KHDRBS3: variants seen among roughly 807,000 people sequenced by gnomAD.
The protein encoded by KHDRBS3 is KH domain-containing, RNA-binding, signal transduction-associated protein 3.
A neutral mutation model predicts 45.6 loss-of-function variants in KHDRBS3; 23 were observed. The ratio of observed to expected loss-of-function variants is 0.50; its 90% confidence interval spans 0.36 to 0.72. The LOEUF is 0.72. Among genes scored for constraint, KHDRBS3 ranks in the 30% least tolerant of loss-of-function variants. The probability of loss-of-function intolerance (pLI) is 0.00; values close to 1 mark genes in which losing one functional copy is unlikely to be tolerated. For missense variants in KHDRBS3, 352 were observed against 424.8 expected (o/e 0.83, Z 1.51); for synonymous variants, 162 against 156.5 (o/e 1.04, Z -0.26).
intron 1 of KHDRBS3, among the ~76,000 whole-genome samples, chr8:135,473,375 A>G (rs1822112228): frequency 1.3e-5 from 2 of 152,018 alleles, no homozygotes; most frequent in Non-Finnish European, 2.9e-5. Context: ...TTCGTTCTGA[A>G]TGTTTTTGGT....
At chr8:135,545,605 C>T (rs1312941011) in intron 3 of KHDRBS3, among the ~76,000 whole-genome samples, 1 of 152,166 alleles carries the variant, frequency 6.6e-6, no homozygotes, top group East Asian at 1.9e-4. Flanking sequence ...GCAAGCGGTG[C>T]ACCCTAGCTT....
chr8:135,551,246 G>A (rs979968455), intron 4 of KHDRBS3, among the ~76,000 whole-genome samples: 1 of 151,802 alleles, frequency 6.6e-6, no homozygotes, highest in African/African-American at 2.4e-5. Flanking sequence ...TTTTTTTAAT[G>A]TAATGTTGTT....
chr8:135,565,186 C>G (rs1169542157), intron 5 of KHDRBS3, among the ~76,000 whole-genome samples: 2 of 151,960 alleles, frequency 1.3e-5, no homozygotes, highest in Admixed American at 6.6e-5. Context: ...GCTTCTTGCC[C>G]GGTTTAAGAT....
chr8:135,577,693 G>A (rs1313214896), intron 5 of KHDRBS3, among the ~76,000 whole-genome samples: 1 of 152,138 alleles, frequency 6.6e-6, no homozygotes, highest in African/African-American at 2.4e-5. Flanking sequence ...GAATAAAGCT[G>A]CTGTAAACAT....
At chr8:135,458,831 C>T (rs1821266683) in intron 1 of KHDRBS3, 1 of 455,482 alleles carries the variant, frequency 2.2e-6, no homozygotes, top group Non-Finnish European at 4.4e-6. Flanking sequence ...ACAGAGATTT[C>T]TGGAGGCACG....
chr8:135,497,226 A>T (rs1217393034), intron 1 of KHDRBS3, among the ~76,000 whole-genome samples: 1 of 152,088 alleles, frequency 6.6e-6, no homozygotes, highest in African/African-American at 2.4e-5. Flanking sequence ...GAATATCCCC[A>T]CTTCATTCCT....
chr8:135,573,065 C>G (rs1365833565), intron 5 of KHDRBS3, among the ~76,000 whole-genome samples: 1 of 152,124 alleles, frequency 6.6e-6, no homozygotes, highest in Admixed American at 6.5e-5. Context: ...AGGTTTTTCT[C>G]ACTGTGACCC....
At position 135,475,915 on chromosome 8, in the gene KHDRBS3, C is replaced by T. The variant is rs556391503; in HGVS notation, c.88+17961C>T. ...TGCTTTGGACTTCATCAGTCTGATTCCCAAACCCATGCTGTTTCTACTAAA... is the reference window on the plus strand; with the variant it reads ...TGCTTTGGACTTCATCAGTCTGATTTCCAAACCCATGCTGTTTCTACTAAA... On this transcript the variant is annotated intron_variant, in intron 1 of 8. Coordinates refer to ENST00000355849, the MANE Select transcript of KHDRBS3 (RefSeq NM_006558.3). Among the ~76,000 whole-genome samples, 17 of 152,148 alleles carry T rather than the reference C, an allele frequency of 1.1e-4. No individual in the cohort carries two copies. In the South Asian group the frequency reaches 3.3e-3, roughly 30 times the overall value.
intron 5 of KHDRBS3, among the ~76,000 whole-genome samples, 164 bp from the exon 6 acceptor site, chr8:135,581,714 C>T (rs564790822): frequency 6.6e-6 from 1 of 152,190 alleles, no homozygotes; most frequent in South Asian, 2.1e-4. Context: ...TTCCTTTTGA[C>T]AGACACCTGT....
At chr8:135,517,232 T>C (rs995704403) in intron 1 of KHDRBS3, among the ~76,000 whole-genome samples, 1 of 152,238 alleles carries the variant, frequency 6.6e-6, no homozygotes, top group Admixed American at 6.5e-5. Context: ...GGAGATGGTA[T>C]TGGTACCTTA....
At chr8:135,541,526 A>G (rs977963228) in intron 2 of KHDRBS3, 6 of 152,226 alleles carry the variant, frequency 3.9e-5, no homozygotes, top group African/African-American at 1.2e-4. Flanking sequence ...TACCACTTAG[A>G]TTTTTTAAAG....
intron 5 of KHDRBS3, among the ~76,000 whole-genome samples, chr8:135,576,966 G>A (rs771714586): frequency 3.3e-5 from 5 of 151,900 alleles, no homozygotes; most frequent in South Asian, 2.1e-4. Flanking sequence ...CCACTCCACC[G>A]TGAGAAACTG....
In KHDRBS3 at chr8:135,647,190, T is replaced by A. The variant is rs988788174; in HGVS notation, c.*106T>A. 5.0e-6 allele frequency: 2 copies of A among 397,506 alleles called. No homozygotes were observed. The highest frequency in any genetic ancestry group is 9.1e-6 in the Non-Finnish European group (2 of 219,300). 24.6% of individuals were successfully genotyped at this position (397,506 alleles called of 1,614,324 possible). On this transcript the variant is annotated 3_prime_UTR_variant, in exon 9 of 9. Coordinates refer to ENST00000355849, the MANE Select transcript of KHDRBS3 (RefSeq NM_006558.3). The stretch of plus-strand genomic sequence containing the variant: ...CCCTTTTTAAATAAATCAGAATGCT[T>A]AAAATCTGAATGGATGGAACTTAAA...
chr8:135,598,316 A>G (rs1032055405), intron 6 of KHDRBS3, among the ~76,000 whole-genome samples: 3 of 152,222 alleles, frequency 2.0e-5, no homozygotes, highest in African/African-American at 7.2e-5. Context: ...AACAATTTTC[A>G]TAAATATTTT....
At chr8:135,461,363 A>C (rs1230507165) in intron 1 of KHDRBS3, among the ~76,000 whole-genome samples, 3 of 152,164 alleles carry the variant, frequency 2.0e-5, no homozygotes, top group African/African-American at 7.2e-5. Flanking sequence ...TCAGCCTCCC[A>C]AAGTGCTGGG....
intron 1 of KHDRBS3, among the ~76,000 whole-genome samples, chr8:135,503,128 G>T (rs1234406270): frequency 6.6e-6 from 1 of 152,214 alleles, no homozygotes; most frequent in African/African-American, 2.4e-5. Flanking sequence ...TCTGTGGTAT[G>T]ACTGTGTGAT....
chr8:135,515,517 C>T (rs1475064769), intron 1 of KHDRBS3, among the ~76,000 whole-genome samples: 2 of 151,522 alleles, frequency 1.3e-5, no homozygotes, highest in Admixed American at 6.6e-5. Context: ...CTGCTCTGTG[C>T]CCAGAGGCTG....
chr8:135,601,796 A>G (rs1829227992), intron 6 of KHDRBS3, among the ~76,000 whole-genome samples: 1 of 152,144 alleles, frequency 6.6e-6, no homozygotes, highest in South Asian at 2.1e-4. Flanking sequence ...CTTTGATTCC[A>G]CTCAATTATC....
At chr8:135,492,516 C>CATATATATATATATATATACGTAT (rs3029812) in intron 1 of KHDRBS3, among the ~76,000 whole-genome samples, 1 of 145,856 alleles carries the variant, frequency 6.9e-6, no homozygotes, top group African/African-American at 2.5e-5. Context: ...TATATATATA[C>CATATATATATATATATATACGTAT]ATATATATAT....
Sources: allele counts gnomAD v4.1 joint callset (sites outside exome capture counted in the v4.1 genomes callset), GRCh38; gene constraint gnomAD v4.1.1; transcripts MANE v1.5; gene names NCBI Gene and HGNC (gene_info 2026-07-23, HGNC 2026-07-21).